AUTS2: variants seen among roughly 807,000 people sequenced by gnomAD.
The protein encoded by AUTS2 is autism susceptibility gene 2 protein.
In AUTS2, 17 loss-of-function variants were observed where a neutral mutation model predicts 112.4. The ratio of observed to expected loss-of-function variants is 0.15; its 90% CI spans 0.10 to 0.23. AUTS2 has a LOEUF of 0.23. Ranked by LOEUF, AUTS2 falls within the 10% of genes least tolerant of loss-of-function variation. AUTS2 has a pLI of 1.00. For missense variants in AUTS2, 1,510 were observed against 1,701.6 expected (o/e 0.89, Z 1.98); for synonymous variants, 751 against 702.7 (o/e 1.07, Z -1.09).
intron 4 of AUTS2, among the ~76,000 whole-genome samples, chr7:70,374,198 A>C (rs1322832661): frequency 6.6e-6 from 1 of 152,172 alleles, no homozygotes; most frequent in Non-Finnish European, 1.5e-5. Flanking sequence ...ATGTCTCAAG[A>C]ATTTTGTCTC....
intron 1 of AUTS2, among the ~76,000 whole-genome samples, chr7:69,837,615 G>A (rs1791784234): frequency 6.6e-6 from 1 of 152,130 alleles, no homozygotes; most frequent in South Asian, 2.1e-4. Context: ...ATGGGGGCTT[G>A]CTATTCACAT....
chr7:70,727,479 A>G (rs932727674), intron 6 of AUTS2, among the ~76,000 whole-genome samples: 4 of 152,122 alleles, frequency 2.6e-5, no homozygotes, highest in Non-Finnish European at 5.9e-5. Flanking sequence ...CCTCTCAAGT[A>G]GCTGGGATTA....
intron 4 of AUTS2, among the ~76,000 whole-genome samples, chr7:70,272,189 A>G (rs2129609137): frequency 6.6e-6 from 1 of 152,240 alleles, no homozygotes; most frequent in Non-Finnish European, 1.5e-5. Context: ...TGAATTTTAT[A>G]TCATTACTTC....
chr7:70,293,887 A>C (rs566435477), intron 4 of AUTS2: 1 of 152,176 alleles, frequency 6.6e-6, no homozygotes, highest in Non-Finnish European at 1.5e-5. Flanking sequence ...TGTATGGTGG[A>C]GTGACTGATG....
intron 2 of AUTS2, among the ~76,000 whole-genome samples, chr7:69,934,209 A>G (rs1026842154): frequency 1.3e-5 from 2 of 152,152 alleles, no homozygotes; most frequent in African/African-American, 2.4e-5. Flanking sequence ...ACTCTAATCT[A>G]CAGAAGTGGA....
At chr7:70,066,805 G>T (rs1306156198) in intron 2 of AUTS2, among the ~76,000 whole-genome samples, 4 of 152,172 alleles carry the variant, frequency 2.6e-5, no homozygotes, top group Non-Finnish European at 5.9e-5. Context: ...CTCCCAAAGT[G>T]CTGGGGTTAC....
chr7:70,441,310 G>C (rs1345967926), intron 5 of AUTS2, among the ~76,000 whole-genome samples: 2 of 152,138 alleles, frequency 1.3e-5, no homozygotes, highest in Admixed American at 1.3e-4. Flanking sequence ...CAGCCTACTG[G>C]CACAATGGCT....
At chr7:70,300,803 A>G (rs1472337913) in intron 4 of AUTS2, among the ~76,000 whole-genome samples, 3 of 152,174 alleles carry the variant, frequency 2.0e-5, no homozygotes, top group Non-Finnish European at 4.4e-5. Flanking sequence ...GGCTTTTGGG[A>G]TGTAGACACA....
chr7:70,687,022 A>G (rs1014550007), intron 5 of AUTS2, among the ~76,000 whole-genome samples: 1 of 152,222 alleles, frequency 6.6e-6, no homozygotes, highest in East Asian at 1.9e-4. Context: ...GACATTTTGT[A>G]TACATTTTCA....
At chr7:69,731,009 C>A (rs1168227701) in intron 1 of AUTS2, among the ~76,000 whole-genome samples, 1 of 152,132 alleles carries the variant, frequency 6.6e-6, no homozygotes, top group Non-Finnish European at 1.5e-5. Context: ...AAAACATGGG[C>A]TTTGGGCTGG....
intron 5 of AUTS2, chr7:70,596,040 T>G (rs1803184342): frequency 6.6e-6 from 1 of 152,110 alleles, no homozygotes; most frequent in South Asian, 2.1e-4. Flanking sequence ...GCAGGTGACC[T>G]CCCCCGGGCC....
chr7:70,233,195 G>A (rs1007799436), intron 4 of AUTS2, among the ~76,000 whole-genome samples: 2 of 152,072 alleles, frequency 1.3e-5, no homozygotes, highest in Non-Finnish European at 2.9e-5. Context: ...AATCCCTCTT[G>A]TAGAAACTTG....
At chr7:70,092,121 A>C (rs1173342823) in intron 2 of AUTS2, among the ~76,000 whole-genome samples, 1 of 151,222 alleles carries the variant, frequency 6.6e-6, no homozygotes, top group Admixed American at 6.6e-5. Context: ...TCCTAAGATT[A>C]TATTTAAAAA....
At chr7:69,916,355 A>C (rs1469537196) in intron 2 of AUTS2, among the ~76,000 whole-genome samples, 1 of 152,234 alleles carries the variant, frequency 6.6e-6, no homozygotes, top group African/African-American at 2.4e-5. Context: ...TTGGGTGCTT[A>C]TATTAGTGAA....
chr7:70,512,524 G>A (rs767626685), intron 5 of AUTS2, among the ~76,000 whole-genome samples: 4 of 152,106 alleles, frequency 2.6e-5, no homozygotes, highest in South Asian at 2.1e-4. Context: ...CTGTGGAACC[G>A]TTTTTCCCTC....
intron 5 of AUTS2, among the ~76,000 whole-genome samples, chr7:70,642,538 A>G (rs1360715810): frequency 1.2e-5 from 1 of 83,698 alleles, no homozygotes; most frequent in African/African-American, 3.7e-5. Context: ...GTCCTCAACC[A>G]GGTGTAAAGT....
chr7:70,489,162 C>T lies in AUTS2; in HGVS notation c.690+53381C>T, dbSNP rs544100512. ...TCTGGGAGAAGGCAATCAATAAATA[C>T]AAAAGGCAGAAAAACATTCTCAAAA... On this transcript the variant is annotated intron_variant, in intron 5 of 18. Transcript: ENST00000342771. Among the ~76,000 whole-genome samples the T allele has an allele frequency of 2.6e-5, 4 of 152,172 alleles. No homozygotes were observed. In the South Asian group the frequency reaches 8.3e-4, roughly 32 times the overall value.
At chr7:70,496,417 C>A (rs1475105741) in intron 5 of AUTS2, among the ~76,000 whole-genome samples, 1 of 139,888 alleles carries the variant, frequency 7.1e-6, no homozygotes, top group Admixed American at 7.1e-5. Flanking sequence ...ACACACCCCA[C>A]ACATGCACAT....
chr7:70,744,036 C>T (rs912434674), intron 6 of AUTS2, among the ~76,000 whole-genome samples: 1 of 150,684 alleles, frequency 6.6e-6, no homozygotes, highest in African/African-American at 2.4e-5. Flanking sequence ...CATGTATTTC[C>T]AGCCCCGAGT....
Sources: allele counts gnomAD v4.1 joint callset (sites outside exome capture counted in the v4.1 genomes callset), GRCh38; gene constraint gnomAD v4.1.1; transcripts MANE v1.5; gene names NCBI Gene and HGNC (gene_info 2026-07-23, HGNC 2026-07-21).